Variants in INTS9 observed in about 807,000 individuals in gnomAD.
INTS9 encodes the protein protein related to CPSF subunits of 74 kDa.
Under a neutral mutation model 79.7 loss-of-function variants are expected in INTS9, and 55 were observed. The observed-to-expected ratio is 0.69, with a 90% CI of 0.56 to 0.86. The LOEUF (loss-of-function observed/expected upper bound fraction) is 0.86. Ranked by LOEUF, INTS9 falls within the 40% of genes least tolerant of loss-of-function variation. The probability of loss-of-function intolerance (pLI) is 0.00; values close to 1 mark genes in which losing one functional copy is unlikely to be tolerated. For missense variants in INTS9, 721 were observed against 831.5 expected (o/e 0.87, Z 1.64); for synonymous variants, 319 against 325.2 (o/e 0.98, Z 0.20).
At chr8:28,813,391 G>T in intron 7 of INTS9, 101 bp downstream of exon 7, 1 of 1,190,026 alleles carries the variant, frequency 8.4e-7, no homozygotes, top group Non-Finnish European at 1.2e-6. Flanking sequence ...CTCAGCAATG[G>T]AATGGCTTTA....
chr8:28,837,525 A>T, intron 5 of INTS9, 112 bp downstream of exon 5: 5 of 1,139,934 alleles, frequency 4.4e-6, no homozygotes, highest in Non-Finnish European at 4.9e-6. Context: ...TCTTTGGGTT[A>T]GTTGTTCAGA....
chr8:28,854,437 GT>G (rs993914715), intron 2 of INTS9, among the ~76,000 whole-genome samples: 1 of 152,080 alleles, frequency 6.6e-6, no homozygotes, highest in African/African-American at 2.4e-5. Context: ...ACTTTTGACA[GT>G]TTGCAGTGAG....
chr8:28,768,193 T>G lies in INTS9; in HGVS notation c.1930A>C (p.Arg644=). 1 of 1,614,232 alleles carries G rather than the reference T, an allele frequency of 6.2e-7. No homozygotes were observed. Among genetic ancestry groups the G allele is most frequent in the Non-Finnish European group, 8.5e-7 (1 of 1,180,036 alleles). The change falls in exon 17 of 17, where the codon AGA becomes CGA. Residue 644 remains arginine, a synonymous_variant. Transcript: ENST00000521022. ...AGGACAAGGTCCCGCAGTCGCACTC[T>G]GAGCATCTCGTCATTGTCGCAGATG... is the stretch of plus-strand genomic sequence containing the variant. The part of the protein sequence containing the change: ...HIICDNDEML[R]VRLRDLVLKF...
intron 6 of INTS9, among the ~76,000 whole-genome samples, chr8:28,833,933 G>T (rs1018419070): frequency 6.6e-6 from 1 of 151,944 alleles, no homozygotes; most frequent in Non-Finnish European, 1.5e-5. Flanking sequence ...AGCACTCTAC[G>T]GCAACTCACC....
chr8:28,835,386 TAAACA>T lies in INTS9; in HGVS notation c.402-13_402-9del, dbSNP rs1358969419. On this transcript the variant is annotated splice_polypyrimidine_tract_variant and intron_variant, in intron 5 of 16. Transcript: ENST00000521022. ...AGCTCTTCCATGAGAAGCCTGAGTT[TAAACA>T]AAACAAGTGAGGAACACCCATTAAA... is the stretch of plus-strand genomic sequence containing the variant. The T allele has an allele frequency of 8.7e-6, 14 of 1,609,000 alleles. No individual in the cohort carries two copies. The highest frequency in any genetic ancestry group is 3.3e-4 in the Middle Eastern group (2 of 6,064).
chr8:28,819,037 C>T (rs957321462), intron 6 of INTS9, among the ~76,000 whole-genome samples: 1 of 152,028 alleles, frequency 6.6e-6, no homozygotes, highest in Non-Finnish European at 1.5e-5. Flanking sequence ...TTTGATTCTT[C>T]TCTCTTTTCT....
In INTS9 at chr8:28,767,696, C is replaced by CA. The variant is rs1430700155; in HGVS notation, c.*449dup. ...ATAAGTGTTTATTAACAAATGGGCT[C>CA]AGAGTAGAAAATGCAGACAGATGGG... On this transcript the variant is annotated 3_prime_UTR_variant, in exon 17 of 17. Coordinates refer to ENST00000521022, the MANE Select transcript of INTS9 (RefSeq NM_018250.4). The CA allele has an allele frequency of 5.9e-6, 1 of 168,454 alleles. No homozygotes were observed. The highest frequency in any genetic ancestry group is 2.4e-5 in the African/African-American group (1 of 41,592). 10.4% of individuals were successfully genotyped at this position (168,454 alleles called of 1,614,324 possible).
At chr8:28,834,866 G>A (rs933803920) in intron 6 of INTS9, among the ~76,000 whole-genome samples, 3 of 152,032 alleles carry the variant, frequency 2.0e-5, no homozygotes, top group Non-Finnish European at 2.9e-5. Context: ...TCATAGAGAC[G>A]GGGTTTCTCC....
chr8:28,838,237 T>C (rs953231352), intron 4 of INTS9, among the ~76,000 whole-genome samples: 4 of 151,810 alleles, frequency 2.6e-5, no homozygotes, highest in African/African-American at 9.7e-5. Flanking sequence ...GAGAGACAAC[T>C]TGTTTTGCTT....
At chr8:28,846,876 A>G (rs914804236) in intron 3 of INTS9, 67 bp from the exon 4 acceptor site, 10 of 1,211,748 alleles carry the variant, frequency 8.3e-6, no homozygotes, top group South Asian at 1.2e-5. Context: ...AAAGAAATAA[A>G]CTCCCCAAAC....
intron 9 of INTS9, among the ~76,000 whole-genome samples, chr8:28,794,632 C>A (rs745882657): frequency 1.6e-4 from 25 of 152,228 alleles, no homozygotes; most frequent in Non-Finnish European, 2.9e-4. Context: ...AAAGCCACTA[C>A]AACCTTCCTT....
chr8:28,843,920 G>A (rs1176885795), intron 4 of INTS9, among the ~76,000 whole-genome samples: 8 of 152,032 alleles, frequency 5.3e-5, no homozygotes, highest in Non-Finnish European at 1.2e-4. Flanking sequence ...GTGGCACTTC[G>A]TATGGGTCCC....
rs1024524419 is a variant in INTS9, at chr8:28,813,348, G to A, written c.609+144C>T. 3.8e-5 allele frequency: 30 copies of A among 792,824 alleles called. 1 individual carries two copies. The highest frequency in any genetic ancestry group is 3.1e-4 in the African/African-American group (18 of 57,488). 49.1% of individuals were successfully genotyped at this position (792,824 alleles called of 1,614,324 possible). A position where few individuals can be genotyped will look rare whatever the true frequency, so the allele number is the denominator to read the frequency against. On this transcript the variant is annotated intron_variant, in intron 7 of 16. Transcript: ENST00000521022. ...GGAAAGAGCACCAATAAAATCCTGC[G>A]CGGAACGGAGGAAAGAACAGAGGCT...
intron 1 of INTS9, among the ~76,000 whole-genome samples, chr8:28,880,017 A>G (rs1359902614): frequency 6.6e-6 from 1 of 152,138 alleles, no homozygotes; most frequent in African/African-American, 2.4e-5. Context: ...ATATGCAAGA[A>G]TTTTACATAT....
At chr8:28,875,889 T>G (rs900398713) in intron 1 of INTS9, among the ~76,000 whole-genome samples, 1 of 152,258 alleles carries the variant, frequency 6.6e-6, no homozygotes, top group Non-Finnish European at 1.5e-5. Context: ...TTCAATTGTA[T>G]AGCCAAACAA....
At chr8:28,886,806 T>G (rs1356498488) in intron 1 of INTS9, among the ~76,000 whole-genome samples, 3 of 152,228 alleles carry the variant, frequency 2.0e-5, no homozygotes, top group Non-Finnish European at 2.9e-5. Flanking sequence ...AAAATGGGAA[T>G]ACTGTCACCT....
At chr8:28,816,455 C>T (rs1375992534) in intron 6 of INTS9, among the ~76,000 whole-genome samples, 3 of 151,498 alleles carry the variant, frequency 2.0e-5, no homozygotes, top group African/African-American at 2.4e-5. Flanking sequence ...TTTCCAATTT[C>T]GTCCATGTCC....
chr8:28,875,651 C>G (rs531470115), intron 1 of INTS9, among the ~76,000 whole-genome samples: 4 of 152,272 alleles, frequency 2.6e-5, no homozygotes, highest in African/African-American at 9.6e-5. Flanking sequence ...TCTCCCTCCC[C>G]CTACCCACCC....
chr8:28,798,341 A>ATC, intron 8 of INTS9: 1 of 152,256 alleles, frequency 6.6e-6, no homozygotes, highest in Non-Finnish European at 1.5e-5. Flanking sequence ...CCAAGGCATC[A>ATC]ATGGATAGCA....
Sources: gnomAD v4.1 joint callset for allele counts (sites outside exome capture counted in the v4.1 genomes callset) on GRCh38, gnomAD v4.1.1 for gene constraint, MANE v1.5 for transcripts, NCBI Gene and HGNC (gene_info 2026-07-23, HGNC 2026-07-21) for gene names.